Variants in STXBP4 observed in about 807,000 individuals in gnomAD.
The protein encoded by STXBP4 is syntaxin binding protein 4, also known as syntaxin-binding protein 4.
In STXBP4, 55 loss-of-function variants were observed where a neutral mutation model predicts 76.1. The observed-to-expected ratio is 0.72, with a 90% confidence interval of 0.58 to 0.91. The LOEUF (loss-of-function observed/expected upper bound fraction) is 0.91, where lower values mean the gene tolerates loss of function less well. Ranked by LOEUF, STXBP4 falls within the 40% of genes least tolerant of loss-of-function variation. STXBP4 has a pLI of 0.00. For missense variants in STXBP4, 618 were observed against 636.9 expected, an observed-to-expected ratio of 0.97 and a Z score of 0.32; for synonymous variants, 201 against 220.2, an observed-to-expected ratio of 0.91 and a Z score of 0.77.
At chr17:55,201,621 T>A in the STXBP4 span, among the ~76,000 whole-genome samples, 1 of 152,246 alleles carries the variant, frequency 6.6e-6, no homozygotes, top group Non-Finnish European at 1.5e-5. Flanking sequence ...CCTAGGAAAT[T>A]TGAATACATT....
chr17:55,023,916 CAAA>C (rs61454264), intron 8 of STXBP4, among the ~76,000 whole-genome samples: 2 of 62,228 alleles, frequency 3.2e-5, no homozygotes, highest in Admixed American at 4.4e-4. Context: ...GGCCCTTTTC[CAAA>C]AAAAAAAAAA....
At chr17:55,076,013 C>T (rs1208057862) in intron 13 of STXBP4, among the ~76,000 whole-genome samples, 9 of 152,044 alleles carry the variant, frequency 5.9e-5, no homozygotes, top group Admixed American at 5.2e-4. Context: ...ATCTTTTGAC[C>T]CTTTTTCAGT....
At position 55,159,911 on chromosome 17, in the gene STXBP4, A is replaced by G; in HGVS notation, c.1662A>G (p.Ter554TrpextTer13). ...CSRELPNQKS* is the reference protein window; with the variant it reads ...CSRELPNQKSW The stretch of plus-strand genomic sequence containing the variant: ...GAGAACTCCCCAACCAGAAAAGTTG[A>G]TGGTTTTCCTTAGGAAGTGGAGCTA... The change falls in exon 18 of 18, where the codon TGA becomes TGG. Residue 554 changes from the stop codon to tryptophan (W), a stop_lost. Transcript: ENST00000376352. 1.3e-6 allele frequency: 2 copies of G among 1,596,304 alleles called. No homozygotes were observed. The highest frequency in any genetic ancestry group is 1.7e-6 in the Non-Finnish European group (2 of 1,164,072).
rs767244067 is a variant in STXBP4, at chr17:55,031,221, A to G, written c.720A>G (p.Arg240=). 6.2e-6 allele frequency: 10 copies of G among 1,613,308 alleles called. No homozygotes were observed. In the East Asian group the frequency reaches 2.0e-4, roughly 32 times the overall value. Residue 240 remains arginine (R), a synonymous_variant, in exon 9 of 18, where the codon AGA becomes AGG. Transcript: ENST00000376352. ...QPTKEQHQAL[R]QQVQADSKGT... Reference sequence around the variant, plus strand: ...CAAAGGAACAACACCAAGCCCTGAGACAGCAAGTACAAGCAGACTCAAAAG... The same window carrying G: ...CAAAGGAACAACACCAAGCCCTGAGGCAGCAAGTACAAGCAGACTCAAAAG...
intron 8 of STXBP4, among the ~76,000 whole-genome samples, chr17:55,025,054 T>C (rs1327516219): frequency 3.3e-5 from 5 of 151,792 alleles, no homozygotes; most frequent in Non-Finnish European, 7.4e-5. Flanking sequence ...GGCAGGAGAA[T>C]GGCATGAACC....
chr17:55,053,862 C>T (rs16955531), intron 12 of STXBP4, among the ~76,000 whole-genome samples: 1 of 151,924 alleles, frequency 6.6e-6, no homozygotes, highest in Non-Finnish European at 1.5e-5. Context: ...GATTTTTCTC[C>T]TAACTTTACA....
intron 12 of STXBP4, among the ~76,000 whole-genome samples, chr17:55,056,391 A>G (rs1353000235): frequency 6.6e-6 from 1 of 152,194 alleles, no homozygotes; most frequent in Non-Finnish European, 1.5e-5. Context: ...AATAAAATTT[A>G]CAGTTGAAAA....
intron 17 of STXBP4, among the ~76,000 whole-genome samples, chr17:55,157,302 G>C (rs77615582): frequency 0.025 from 3,812 of 152,184 alleles, 171 homozygotes; most frequent in African/African-American, 0.087. Context: ...CTTTGTACAG[G>C]GTGATGTGTC....
rs2080353191 is a variant in STXBP4 at position 55,163,229 on chromosome 17, T to TTC, written c.*3319_*3320insCT. 6.6e-6 allele frequency: 1 copy of TTC among 151,534 alleles called. No homozygotes were observed. The highest frequency in any genetic ancestry group is 1.5e-5 in the Non-Finnish European group (1 of 67,888). 9.4% of individuals were successfully genotyped at this position (151,534 alleles called of 1,614,324 possible). A position where few individuals can be genotyped will look rare whatever the true frequency, so the allele number is the denominator to read the frequency against. On this transcript the variant is annotated 3_prime_UTR_variant, in exon 18 of 18. Coordinates refer to ENST00000376352, the MANE Select transcript of STXBP4 (RefSeq NM_178509.6). ...TATAGATTTTCTGGGTTTTTTTTTTTTTTTTGTCCTTGGAAGAATAACCTT... is the reference window on the plus strand; with the variant it reads ...TATAGATTTTCTGGGTTTTTTTTTTTTCTTTTTGTCCTTGGAAGAATAACCTT...
Position 55,156,371 on chromosome 17 carries a change from G to A in STXBP4, c.1548-3426G>A, listed in dbSNP as rs141492941. ...AAATCTGGGATTATCTCATCATACC[G>A]ATTATGTCAAAGCTCTTTAGCCACA... On this transcript the variant is annotated intron_variant, in intron 17 of 17. Transcript: ENST00000376352. 9.5e-4 allele frequency among the ~76,000 whole-genome samples: 144 copies of A among 152,180 alleles called. 2 individuals are homozygous for A. Among genetic ancestry groups the A allele is most frequent in the Middle Eastern group, 3.4e-3 (1 of 294 alleles).
chr17:55,158,263 G>A (rs186791885), intron 17 of STXBP4, among the ~76,000 whole-genome samples: 11 of 152,170 alleles, frequency 7.2e-5, no homozygotes, highest in African/African-American at 2.4e-4. Context: ...TAAAACTCTC[G>A]GGAACATACT....
intron 12 of STXBP4, among the ~76,000 whole-genome samples, chr17:55,055,204 G>T (rs2078908781): frequency 6.6e-6 from 1 of 152,142 alleles, no homozygotes; most frequent in Non-Finnish European, 1.5e-5. Context: ...AGATGAAGCT[G>T]TTAGGAAATG....
intron 8 of STXBP4, among the ~76,000 whole-genome samples, chr17:55,023,417 T>C (rs1307808808): frequency 6.6e-6 from 1 of 152,322 alleles, no homozygotes; most frequent in Non-Finnish European, 1.5e-5. Flanking sequence ...AATTTACGCC[T>C]GAGAAACATA....
intron 13 of STXBP4, among the ~76,000 whole-genome samples, chr17:55,077,353 C>T (rs2079195955): frequency 6.6e-6 from 1 of 152,258 alleles, no homozygotes; most frequent in Non-Finnish European, 1.5e-5. Flanking sequence ...TTTTAGGCCA[C>T]ACAGATAATG....
At chr17:55,124,730 G>T (rs1161639711) in intron 16 of STXBP4, among the ~76,000 whole-genome samples, 1 of 152,202 alleles carries the variant, frequency 6.6e-6, no homozygotes, top group Non-Finnish European at 1.5e-5. Context: ...CACAGCCTGA[G>T]AGGCTTAAAC....
intron 16 of STXBP4, among the ~76,000 whole-genome samples, chr17:55,104,593 G>GT (rs2079608067): frequency 1.3e-5 from 2 of 151,832 alleles, no homozygotes; most frequent in South Asian, 4.2e-4. Flanking sequence ...TTTTTTTGTT[G>GT]TTGTTGTGTC....
chr17:55,036,727 T>A (rs1598245011), intron 10 of STXBP4, among the ~76,000 whole-genome samples: 1 of 152,014 alleles, frequency 6.6e-6, no homozygotes, highest in East Asian at 1.9e-4. Context: ...GGAGAATAGA[T>A]ATGTTACATA....
At chr17:55,142,587 A>C (rs2080106236) in intron 17 of STXBP4, among the ~76,000 whole-genome samples, 1 of 152,178 alleles carries the variant, frequency 6.6e-6, no homozygotes, top group Admixed American at 6.5e-5. Flanking sequence ...GTAGATGCCC[A>C]ATAAATAGCC....
chr17:55,126,828 C>T (rs1259397328), intron 16 of STXBP4, among the ~76,000 whole-genome samples: 1 of 152,104 alleles, frequency 6.6e-6, no homozygotes, highest in East Asian at 1.9e-4. Flanking sequence ...GAAAAGAAGT[C>T]TATAGCATGC....
Sources: allele counts gnomAD v4.1 joint callset (sites outside exome capture counted in the v4.1 genomes callset), GRCh38; gene constraint gnomAD v4.1.1; transcripts MANE v1.5; gene names NCBI Gene and HGNC (gene_info 2026-07-23, HGNC 2026-07-21).